TECPR1: variants seen among roughly 807,000 people sequenced by gnomAD.
TECPR1 encodes the protein tectonin beta-propeller repeat containing 1.
A neutral mutation model predicts 162.4 loss-of-function variants in TECPR1; 122 were observed. That is an observed-to-expected ratio of 0.75 (90% CI 0.65 to 0.87). The LOEUF (loss-of-function observed/expected upper bound fraction) is 0.87, where lower values mean the gene tolerates loss of function less well. TECPR1 is among the 40% of genes least tolerant of loss of function. The probability of loss-of-function intolerance (pLI) is 0.00; values close to 1 mark genes in which losing one functional copy is unlikely to be tolerated. For missense variants in TECPR1, 1,432 were observed against 1,618.2 expected (o/e 0.88, Z 1.97); for synonymous variants, 642 against 670.6 (o/e 0.96, Z 0.66).
chr7:98,225,333 G>A (rs755291713), intron 17 of TECPR1, among the ~76,000 whole-genome samples: 66 of 152,174 alleles, frequency 4.3e-4, no homozygotes, highest in Non-Finnish European at 7.9e-4. Flanking sequence ...TCAGGAGTTC[G>A]AGACCATCCT....
At chr7:98,236,278 G>A (rs1380614076) in intron 10 of TECPR1, among the ~76,000 whole-genome samples, 6 of 152,154 alleles carry the variant, frequency 3.9e-5, no homozygotes, top group African/African-American at 7.2e-5. Flanking sequence ...GGTAAGACCC[G>A]GAGATCAAAG....
chr7:98,239,191 A>C (rs1798682888), intron 8 of TECPR1, among the ~76,000 whole-genome samples: 1 of 152,140 alleles, frequency 6.6e-6, no homozygotes, highest in East Asian at 1.9e-4. Flanking sequence ...CTTCTTATAC[A>C]TTCTCCATGG....
intron 15 of TECPR1, among the ~76,000 whole-genome samples, chr7:98,230,155 C>A (rs1798387366): frequency 6.6e-6 from 1 of 152,048 alleles, no homozygotes; most frequent in South Asian, 2.1e-4. Context: ...TGACACCATG[C>A]CTTGCTAACT....
At position 98,241,455 on chromosome 7, in the gene TECPR1, C is replaced by G. The variant is rs1798747473; in HGVS notation, c.658-211G>C. On this transcript the variant is annotated intron_variant, in intron 6 of 25. Transcript: ENST00000447648. This position sits in a 1 kb window ranked among gnomAD's most constrained non-coding sequence, Gnocchi z 5.0. ...CATTCATCTGTTTGGGGTGATGCCC[C>G]CAACCCAGCCCACTCATGGACACCC... is the stretch of plus-strand genomic sequence containing the variant. Among the ~76,000 whole-genome samples the G allele has an allele frequency of 6.6e-6, 1 of 152,168 alleles. No homozygotes were observed. The highest frequency in any genetic ancestry group is 1.5e-5 in the Non-Finnish European group (1 of 68,022).
chr7:98,248,275 G>A (rs771972330), intron 2 of TECPR1, among the ~76,000 whole-genome samples: 4 of 152,126 alleles, frequency 2.6e-5, no homozygotes, highest in African/African-American at 4.8e-5. Context: ...AGCTCTGCCC[G>A]ACAGGGCGGC....
At chr7:98,233,939 A>C in intron 10 of TECPR1, 28 bp from the exon 11 acceptor site, 2 of 1,481,010 alleles carry the variant, frequency 1.4e-6, no homozygotes, top group African/African-American at 1.4e-5. Flanking sequence ...CAGACCCATC[A>C]CTCCCTTGCA....
chr7:98,238,526 C>T lies in TECPR1; in HGVS notation c.1018G>A (p.Val340Met), dbSNP rs1246858094. The change falls in exon 9 of 26, where the codon GTG (valine) becomes ATG (methionine). Residue 340 changes from valine to methionine, a missense_variant. Val to Met is a conservative substitution (Grantham distance 21). Transcript: ENST00000447648. ...EMVGEMTMVN[V>M]GMNDQVWGIG... ...GTGCACACCTGGTCGTTCATTCCCA[C>T]GTTCACCATCGTCATCTCACCAACC... 15 of 1,566,870 alleles carry T rather than the reference C, an allele frequency of 9.6e-6. No individual in the cohort carries two copies. Among genetic ancestry groups the T allele is most frequent in the South Asian group, 1.2e-5 (1 of 84,850 alleles).
chr7:98,240,174 C>T (rs1349980873), intron 8 of TECPR1, among the ~76,000 whole-genome samples: 2 of 151,954 alleles, frequency 1.3e-5, no homozygotes, highest in African/African-American at 2.4e-5. Context: ...TTGGACTTGC[C>T]GCTGATAAGA....
At chr7:98,243,436 G>A in intron 6 of TECPR1, 31 bp downstream of exon 6, 3 of 1,610,414 alleles carry the variant, frequency 1.9e-6, no homozygotes, top group South Asian at 1.1e-5. Flanking sequence ...GGATCGTGGG[G>A]AGCCAGGGCA....
intron 8 of TECPR1, 74 bp downstream of exon 8, chr7:98,240,777 G>T: frequency 1.6e-6 from 2 of 1,262,082 alleles, no homozygotes. Flanking sequence ...CTGGAGTCCA[G>T]TGGTGTGATC....
rs902045461 is a variant in TECPR1, at chr7:98,217,827, C to A, written c.3265-16G>T. The A allele has an allele frequency of 6.5e-7, 1 of 1,547,332 alleles. No homozygotes were observed. Among genetic ancestry groups the A allele is most frequent in the South Asian group, 1.2e-5 (1 of 83,772 alleles). ...TCACCCAGACCTGGAGCACAGACCC[C>A]ATGAAGCCCTCAGCCCTACCTGCAG... is the stretch of plus-strand genomic sequence containing the variant. On this transcript the variant is annotated splice_polypyrimidine_tract_variant and intron_variant, in intron 24 of 25. Transcript: ENST00000447648.
intron 19 of TECPR1, 106 bp from the exon 20 acceptor site, chr7:98,223,824 G>C: frequency 8.0e-7 from 1 of 1,257,436 alleles, no homozygotes; most frequent in Non-Finnish European, 1.1e-6. Context: ...CATGGGGACT[G>C]GGTGGAAGCC....
Position 98,217,460 on chromosome 7 carries a change from G to GC in TECPR1, c.3427dup (p.Ala1143GlyfsTer78), listed in dbSNP as rs748354120. ...CTGCTCCTGGGACGAGCTCCGGGGGGCCCTGGTGGCATTGGCCCGGACAGA... is the reference window on the plus strand; with the variant it reads ...CTGCTCCTGGGACGAGCTCCGGGGGGCCCCTGGTGGCATTGGCCCGGACAGA... On this transcript the variant is annotated frameshift_variant, in exon 26 of 26. Coordinates refer to ENST00000447648, the MANE Select transcript of TECPR1 (RefSeq NM_015395.3). LOFTEE classifies it high-confidence loss of function. The GC allele has an allele frequency of 6.2e-7, 1 of 1,610,426 alleles. No homozygotes were observed. The highest frequency in any genetic ancestry group is 1.1e-5 in the South Asian group (1 of 90,600).
At chr7:98,243,669 T>C in intron 5 of TECPR1, 77 bp from the exon 6 acceptor site, 3 of 1,515,986 alleles carry the variant, frequency 2.0e-6, no homozygotes, top group Non-Finnish European at 2.7e-6. Flanking sequence ...CCCGCCCGCC[T>C]GCCATCCGGA....
chr7:98,224,653 G>T, intron 19 of TECPR1, 148 bp downstream of exon 19: 1 of 766,056 alleles, frequency 1.3e-6, no homozygotes, highest in Non-Finnish European at 2.0e-6. Context: ...TCCCCCTCCA[G>T]TAGCAGGGCT....
rs761161056 is a variant in TECPR1, at chr7:98,241,058, C to T, written c.832+12G>A. On this transcript the variant is annotated intron_variant, in intron 7 of 25. Transcript: ENST00000447648. The surrounding 1 kb of genome is among the most constrained non-coding windows in gnomAD (Gnocchi z 5.0). The stretch of plus-strand genomic sequence containing the variant: ...GTACAGGGTATGTGGGTGGGGGAGC[C>T]GGGCTGCCCACCTTTGGGATTGCTC... 31 of 1,597,026 alleles carry T rather than the reference C, an allele frequency of 1.9e-5. No individual in the cohort carries two copies. The highest frequency in any genetic ancestry group is 2.7e-5 in the African/African-American group (2 of 74,650).
chr7:98,221,412 C>T (rs750360990), intron 23 of TECPR1, among the ~76,000 whole-genome samples: 1 of 152,106 alleles, frequency 6.6e-6, no homozygotes, highest in Non-Finnish European at 1.5e-5. Flanking sequence ...ATTATGCATG[C>T]ATGCCTGTAT....
chr7:98,249,158 G>A (rs1446637866), intron 2 of TECPR1, among the ~76,000 whole-genome samples: 2 of 152,084 alleles, frequency 1.3e-5, no homozygotes, highest in African/African-American at 4.8e-5. Context: ...ATTACAGGCA[G>A]GAGCCCCTGG....
rs537337669 is a variant in TECPR1, at chr7:98,250,650, AAAC to A, written c.-20+741_-20+743del. ...GAGACCCTGTCTCAAAAAGGAAAACAAACAACAACAACAACAACAACAAAACAA... is the reference window on the plus strand; with the variant it reads ...GAGACCCTGTCTCAAAAAGGAAAACAAACAACAACAACAACAACAAAACAA... On this transcript the variant is annotated intron_variant, in intron 2 of 25. Transcript: ENST00000447648. Among the ~76,000 whole-genome samples the A allele has an allele frequency of 1.2e-3, 182 of 152,106 alleles. 1 individual carries two copies. The highest frequency in any genetic ancestry group is 4.1e-3 in the African/African-American group (172 of 41,492).
Sources: allele counts gnomAD v4.1 joint callset (sites outside exome capture counted in the v4.1 genomes callset), GRCh38; gene constraint gnomAD v4.1.1; non-coding constraint Gnocchi (gnomAD v3.1); transcripts MANE v1.5; gene names NCBI Gene and HGNC (gene_info 2026-07-23, HGNC 2026-07-21).